Variants in NKAIN2 observed in about 807,000 individuals in gnomAD.
The protein encoded by NKAIN2 is sodium/potassium transporting ATPase interacting 2.
A neutral mutation model predicts 32.6 loss-of-function variants in NKAIN2; 14 were observed. The ratio of observed to expected loss-of-function variants is 0.43; its 90% CI spans 0.28 to 0.67. NKAIN2 has a LOEUF of 0.67. NKAIN2 is among the 30% of genes least tolerant of loss of function. The pLI, the probability that NKAIN2 is intolerant of heterozygous loss-of-function variation, is 0.17. For synonymous variants in NKAIN2, 80 were observed against 87.2 expected (o/e 0.92, Z 0.46); for missense variants, 198 against 258.3 (o/e 0.77, Z 1.60).
intron 1 of NKAIN2, among the ~76,000 whole-genome samples, chr6:123,810,033 C>G (rs1489653494): frequency 1.3e-5 from 2 of 151,918 alleles, no homozygotes; most frequent in Admixed American, 1.3e-4. Flanking sequence ...ATAATGAAAA[C>G]TATTATTTAT....
intron 5 of NKAIN2, among the ~76,000 whole-genome samples, chr6:124,817,229 T>A (rs138577480): frequency 3.0e-4 from 46 of 152,066 alleles, no homozygotes; most frequent in African/African-American, 1.0e-3. Context: ...TAAAACATTA[T>A]GAGATTTTTT....
intron 1 of NKAIN2, among the ~76,000 whole-genome samples, chr6:124,033,218 C>CT (rs1242288627): frequency 2.0e-5 from 3 of 151,996 alleles, no homozygotes; most frequent in Non-Finnish European, 4.4e-5. Context: ...TTCTCAGGGA[C>CT]TTGTTAAAGG....
At chr6:124,389,011 C>G (rs367661349) in intron 3 of NKAIN2, among the ~76,000 whole-genome samples, 1 of 152,098 alleles carries the variant, frequency 6.6e-6, no homozygotes, top group African/African-American at 2.4e-5. Flanking sequence ...TTGGCTATTA[C>G]GTCAATGTTA....
intron 1 of NKAIN2, among the ~76,000 whole-genome samples, chr6:124,213,211 C>T (rs776338779): frequency 1.3e-5 from 2 of 152,060 alleles, no homozygotes; most frequent in Non-Finnish European, 1.5e-5. Flanking sequence ...CAGTTTTCTA[C>T]CTTGTATCAT....
chr6:124,443,804 G>A (rs921214979), intron 3 of NKAIN2, among the ~76,000 whole-genome samples: 7 of 152,068 alleles, frequency 4.6e-5, no homozygotes, highest in African/African-American at 1.7e-4. Context: ...GATCATAGCT[G>A]TGAGCACTTC....
intron 1 of NKAIN2, among the ~76,000 whole-genome samples, chr6:123,807,941 A>C (rs1228024487): frequency 5.9e-5 from 9 of 152,132 alleles, no homozygotes; most frequent in Non-Finnish European, 1.3e-4. Context: ...TTTGAAACTT[A>C]ATTAAGAATG....
chr6:124,399,581 G>A (rs1336439969), intron 3 of NKAIN2, among the ~76,000 whole-genome samples: 4 of 152,182 alleles, frequency 2.6e-5, no homozygotes, highest in Non-Finnish European at 5.9e-5. Flanking sequence ...AAGGGTTTGA[G>A]TTGGGTGGCG....
At chr6:123,937,558 C>T (rs1375474075) in intron 1 of NKAIN2, among the ~76,000 whole-genome samples, 4 of 152,072 alleles carry the variant, frequency 2.6e-5, no homozygotes, top group Non-Finnish European at 4.4e-5. Context: ...TAAATTGCTT[C>T]ATCATTACTT....
At chr6:124,490,179 C>T (rs528598621) in intron 3 of NKAIN2, among the ~76,000 whole-genome samples, 25 of 151,878 alleles carry the variant, frequency 1.6e-4, no homozygotes, top group African/African-American at 5.8e-4. Flanking sequence ...TAAAGAGTTG[C>T]AGCCAGAGTG....
At chr6:124,085,183 A>T (rs1435841263) in intron 1 of NKAIN2, among the ~76,000 whole-genome samples, 2 of 152,086 alleles carry the variant, frequency 1.3e-5, no homozygotes, top group Admixed American at 6.6e-5. Flanking sequence ...TTTTATGCTC[A>T]TCAGTTGGAA....
chr6:124,220,155 T>C (rs1389291979), intron 1 of NKAIN2, among the ~76,000 whole-genome samples: 2 of 152,162 alleles, frequency 1.3e-5, no homozygotes, highest in Non-Finnish European at 2.9e-5. Flanking sequence ...CTTCTCATAA[T>C]AGTGAGTGAG....
intron 3 of NKAIN2, among the ~76,000 whole-genome samples, chr6:124,484,687 A>G (rs1777583189): frequency 1.3e-5 from 2 of 152,210 alleles, no homozygotes; most frequent in South Asian, 2.1e-4. Context: ...CCACATTCAT[A>G]TATATGTGTG....
At chr6:124,106,143 T>G (rs1785111905) in intron 1 of NKAIN2, among the ~76,000 whole-genome samples, 1 of 152,186 alleles carries the variant, frequency 6.6e-6, no homozygotes, top group African/African-American at 2.4e-5. Context: ...ATTTGAACTT[T>G]ATGGTACTTT....
rs113994813 is a variant in NKAIN2 at position 124,112,233 on chromosome 6, G to A, written c.55-170772G>A. 8.0e-3 allele frequency among the ~76,000 whole-genome samples: 1,211 copies of A among 152,210 alleles called. 18 individuals are homozygous for A. The highest frequency in any genetic ancestry group is 0.028 in the African/African-American group (1,168 of 41,530). On this transcript the variant is annotated intron_variant, in intron 1 of 6. Coordinates refer to ENST00000368417, the MANE Select transcript of NKAIN2 (RefSeq NM_001040214.3). ...TGAAGAACACCACTTAACATTTCTTGTAAGGCAGGTCCGGTGTTGATGATC... is the reference window on the plus strand; with the variant it reads ...TGAAGAACACCACTTAACATTTCTTATAAGGCAGGTCCGGTGTTGATGATC...
intron 1 of NKAIN2, among the ~76,000 whole-genome samples, chr6:124,226,470 G>A (rs957833430): frequency 6.6e-6 from 1 of 151,860 alleles, no homozygotes; most frequent in African/African-American, 2.4e-5. Flanking sequence ...TGTTACCCTT[G>A]TAACATTTCT....
chr6:124,028,817 ATG>A (rs1428436840), intron 1 of NKAIN2, among the ~76,000 whole-genome samples: 1 of 141,396 alleles, frequency 7.1e-6, no homozygotes, highest in Non-Finnish European at 1.5e-5. Flanking sequence ...ATATACGTAT[ATG>A]TGTATATATA....
intron 3 of NKAIN2, among the ~76,000 whole-genome samples, chr6:124,492,805 G>T (rs1777915742): frequency 6.6e-6 from 1 of 151,898 alleles, no homozygotes; most frequent in Non-Finnish European, 1.5e-5. Flanking sequence ...AATGTAACTT[G>T]AAACTTCGAA....
chr6:124,407,095 TCATTTATA>T (rs1389329280), intron 3 of NKAIN2, among the ~76,000 whole-genome samples: 1 of 152,174 alleles, frequency 6.6e-6, no homozygotes, highest in Non-Finnish European at 1.5e-5. Context: ...GCTTTTGATG[TCATTTATA>T]CCAAACTCCA....
At chr6:124,338,117 A>AG (rs1172357393) in intron 2 of NKAIN2, among the ~76,000 whole-genome samples, 1 of 152,202 alleles carries the variant, frequency 6.6e-6, no homozygotes, top group African/African-American at 2.4e-5. Context: ...ATCCCAGGAT[A>AG]CATCAGTTAA....
Sources: allele counts gnomAD v4.1 joint callset (sites outside exome capture counted in the v4.1 genomes callset), GRCh38; gene constraint gnomAD v4.1.1; transcripts MANE v1.5; gene names NCBI Gene and HGNC (gene_info 2026-07-23, HGNC 2026-07-21).